PEX7: variants seen among roughly 807,000 people sequenced by gnomAD.
PEX7 encodes PTS2 receptor.
Under a neutral mutation model 47.5 loss-of-function variants are expected in PEX7, and 34 were observed. That is an observed-to-expected ratio of 0.72 (90% CI 0.54 to 0.95). The LOEUF is 0.95. Ranked by LOEUF, PEX7 falls within the 40% of genes least tolerant of loss-of-function variation. The probability of loss-of-function intolerance (pLI) is 0.00; values close to 1 mark genes in which losing one functional copy is unlikely to be tolerated. For synonymous variants in PEX7, 141 were observed against 148.8 expected, an observed-to-expected ratio of 0.95 and a Z score of 0.38; for missense variants, 394 against 400.3, an observed-to-expected ratio of 0.98 and a Z score of 0.13.
intron 9 of PEX7, among the ~76,000 whole-genome samples, chr6:136,901,977 GT>G (rs1331167797): frequency 6.6e-6 from 1 of 152,074 alleles, no homozygotes; most frequent in Non-Finnish European, 1.5e-5. Flanking sequence ...TAGAGATGGG[GT>G]TTCTCTATGT....
At chr6:136,897,017 C>T (rs1005270845) in intron 8 of PEX7, among the ~76,000 whole-genome samples, 2 of 152,168 alleles carry the variant, frequency 1.3e-5, no homozygotes, top group African/African-American at 4.8e-5. Flanking sequence ...GGCAAATTTT[C>T]AAAAGTAAAA....
intron 3 of PEX7, among the ~76,000 whole-genome samples, chr6:136,837,749 T>A (rs1374640286): frequency 6.6e-6 from 1 of 151,982 alleles, no homozygotes; most frequent in African/African-American, 2.4e-5. Flanking sequence ...TTGAAGGGAC[T>A]CTCACTGGCC....
intron 3 of PEX7, among the ~76,000 whole-genome samples, chr6:136,843,389 T>C (rs1359434510): frequency 6.6e-6 from 1 of 152,218 alleles, no homozygotes; most frequent in East Asian, 1.9e-4. Flanking sequence ...AACTACGTCA[T>C]GTGGACCAGG....
chr6:136,887,083 C>A (rs1775478613), intron 8 of PEX7, among the ~76,000 whole-genome samples: 1 of 151,898 alleles, frequency 6.6e-6, no homozygotes, highest in Non-Finnish European at 1.5e-5. Flanking sequence ...TACCAGGTGA[C>A]CACTTCTATT....
At chr6:136,841,861 C>T (rs576973910) in intron 3 of PEX7, among the ~76,000 whole-genome samples, 1 of 151,574 alleles carries the variant, frequency 6.6e-6, no homozygotes, top group East Asian at 1.9e-4. Flanking sequence ...GCTGGGATTA[C>T]AGGCATGAGC....
intron 8 of PEX7, among the ~76,000 whole-genome samples, chr6:136,874,182 A>G (rs935370996): frequency 1.3e-5 from 2 of 152,334 alleles, no homozygotes; most frequent in African/African-American, 4.8e-5. Context: ...CTTGTACAGC[A>G]TTGAGGCTAT....
chr6:136,850,956 T>G (rs1774734453), intron 5 of PEX7, among the ~76,000 whole-genome samples: 1 of 145,952 alleles, frequency 6.9e-6, no homozygotes. Flanking sequence ...CTAAAGATAT[T>G]TATTTCTGCT....
At chr6:136,885,182 G>A (rs539637291) in intron 8 of PEX7, among the ~76,000 whole-genome samples, 3 of 152,146 alleles carry the variant, frequency 2.0e-5, no homozygotes, top group Non-Finnish European at 4.4e-5. Context: ...ATTAGGAAGA[G>A]CAGCATTCCG....
chr6:136,878,779 G>A (rs1775322970), intron 8 of PEX7, among the ~76,000 whole-genome samples: 1 of 152,010 alleles, frequency 6.6e-6, no homozygotes, highest in African/African-American at 2.4e-5. Context: ...AAAATGTTTA[G>A]CATCGAATGT....
At chr6:136,878,325 G>T (rs1242745800) in intron 8 of PEX7, among the ~76,000 whole-genome samples, 1 of 152,160 alleles carries the variant, frequency 6.6e-6, no homozygotes, top group Non-Finnish European at 1.5e-5. Flanking sequence ...GCCCTGGCCA[G>T]AACTTCCAAT....
chr6:136,823,355 T>A (rs1774120752), intron 1 of PEX7: 1 of 985,226 alleles, frequency 1.0e-6, no homozygotes, highest in Admixed American at 6.1e-5. Flanking sequence ...TGTAGTTGTC[T>A]AACGAGGAAT....
At chr6:136,893,347 A>T (rs1176350946) in intron 8 of PEX7, among the ~76,000 whole-genome samples, 1 of 152,120 alleles carries the variant, frequency 6.6e-6, no homozygotes, top group East Asian at 1.9e-4. Context: ...CTCCTTGCAG[A>T]CAAGCAATAA....
chr6:136,882,012 G>A (rs553018453), intron 8 of PEX7, among the ~76,000 whole-genome samples: 22 of 152,240 alleles, frequency 1.4e-4, no homozygotes, highest in African/African-American at 5.3e-4. Flanking sequence ...TGAAATCAAT[G>A]ATCGTGTATA....
chr6:136,876,423 G>A (rs927801952), intron 8 of PEX7, among the ~76,000 whole-genome samples: 6 of 152,064 alleles, frequency 3.9e-5, no homozygotes, highest in Non-Finnish European at 7.4e-5. Flanking sequence ...ACGTGCTATG[G>A]TGGTTTGGTG....
chr6:136,908,558 T>C (rs1004565476), intron 9 of PEX7, among the ~76,000 whole-genome samples: 2 of 152,108 alleles, frequency 1.3e-5, no homozygotes, highest in Non-Finnish European at 2.9e-5. Context: ...AGCAGGGGCT[T>C]GTGAGTAAAG....
Position 136,822,597 on chromosome 6 carries a change from C to A in PEX7, c.-69C>A, listed in dbSNP as rs528948146. Reference sequence around the variant, plus strand: ...CCGGTCTGCCTGGTCTCTCTAACCGCGCCAGTGTGCCTCCGACTCGGAACG... The same window carrying A: ...CCGGTCTGCCTGGTCTCTCTAACCGAGCCAGTGTGCCTCCGACTCGGAACG... On this transcript the variant is annotated 5_prime_UTR_variant, in exon 1 of 10. Transcript: ENST00000318471. The A allele has an allele frequency of 1.1e-4, 157 of 1,403,658 alleles. 1 individual carries two copies. The South Asian group carries it at 1.8e-3, about 16-fold the overall frequency. The allele number at this position is 1,403,658 out of a possible 1,614,324, so 87.0% of individuals were successfully genotyped here. A position where few individuals can be genotyped will look rare whatever the true frequency, so the allele number is the denominator to read the frequency against.
At chr6:136,849,673 T>C (rs1322859184) in intron 5 of PEX7, among the ~76,000 whole-genome samples, 2 of 152,216 alleles carry the variant, frequency 1.3e-5, no homozygotes, top group Non-Finnish European at 2.9e-5. Context: ...TTGAGTGAGT[T>C]TCTTAATCCT....
At chr6:136,855,791 A>G (rs1774850651) in intron 5 of PEX7, 1 of 339,658 alleles carries the variant, frequency 2.9e-6, no homozygotes, top group South Asian at 2.7e-5. Flanking sequence ...TGGAATGACC[A>G]GTAAAGACAT....
chr6:136,868,879 TA>T (rs1453486953), intron 6 of PEX7, among the ~76,000 whole-genome samples: 1 of 152,104 alleles, frequency 6.6e-6, no homozygotes, highest in African/African-American at 2.4e-5. Context: ...CCGGAATAGA[TA>T]AGAGACTCAC....
Sources: allele counts gnomAD v4.1 joint callset (sites outside exome capture counted in the v4.1 genomes callset), GRCh38; gene constraint gnomAD v4.1.1; transcripts MANE v1.5; gene names NCBI Gene and HGNC (gene_info 2026-07-23, HGNC 2026-07-21).